PCDHA3: variants seen among roughly 807,000 people sequenced by gnomAD.
The protein encoded by PCDHA3 is protocadherin alpha 3, also known as protocadherin alpha-3.
PCDHA3 carries 41 observed loss-of-function variants against 62.2 expected under a neutral mutation model. The observed-to-expected ratio is 0.66, with a 90% confidence interval of 0.51 to 0.86. The LOEUF (loss-of-function observed/expected upper bound fraction) is 0.86. PCDHA3 is among the 40% of genes least tolerant of loss of function. PCDHA3 has a pLI of 0.00. For missense variants in PCDHA3, 1,304 were observed against 1,241.2 expected (o/e 1.05, Z -0.76); for synonymous variants, 640 against 555.4 (o/e 1.15, Z -2.14).
chr5:140,957,254 A>T (rs2095344725), intron 1 of PCDHA3, among the ~76,000 whole-genome samples: 1 of 152,192 alleles, frequency 6.6e-6, no homozygotes, highest in Non-Finnish European at 1.5e-5. Flanking sequence ...TAAAATTTAA[A>T]TATGTAAGCA....
chr5:140,967,009 T>G, intron 1 of PCDHA3: 1 of 1,606,176 alleles, frequency 6.2e-7, no homozygotes, highest in Non-Finnish European at 8.5e-7. Flanking sequence ...GCATCAACCA[T>G]CTGGGTGCGC....
chr5:140,902,996 A>G (rs2069931370), intron 1 of PCDHA3, among the ~76,000 whole-genome samples: 1 of 152,126 alleles, frequency 6.6e-6, no homozygotes, highest in Admixed American at 6.6e-5. Context: ...TATTTTTGCA[A>G]TTGTGAATTG....
intron 1 of PCDHA3, among the ~76,000 whole-genome samples, chr5:140,939,305 C>A (rs1251046319): frequency 6.6e-6 from 1 of 152,114 alleles, no homozygotes; most frequent in Non-Finnish European, 1.5e-5. Context: ...TCTACAAAAG[C>A]CCTACCTCCT....
chr5:140,878,927 A>G (rs1176306554), intron 1 of PCDHA3, among the ~76,000 whole-genome samples: 1 of 152,216 alleles, frequency 6.6e-6, no homozygotes, highest in African/African-American at 2.4e-5. Context: ...TCAATCAATA[A>G]TTTTAAATAA....
At chr5:140,992,533 C>T (rs1292844643) in intron 3 of PCDHA3, among the ~76,000 whole-genome samples, 1 of 152,188 alleles carries the variant, frequency 6.6e-6, no homozygotes, top group Non-Finnish European at 1.5e-5. Context: ...GGAAAAGTCA[C>T]TGTCACAAGT....
intron 1 of PCDHA3, chr5:140,856,542 C>T (rs1229307542): frequency 6.3e-7 from 1 of 1,598,136 alleles, no homozygotes; most frequent in Non-Finnish European, 8.6e-7. Flanking sequence ...GGAGAGAACG[C>T]ATTGCTTACT....
chr5:140,993,528 A>G (rs78672098), intron 3 of PCDHA3, among the ~76,000 whole-genome samples: 1 of 151,976 alleles, frequency 6.6e-6, no homozygotes, highest in Admixed American at 6.6e-5. Context: ...AGAGACAGAG[A>G]GAGAGAGAGA....
At position 140,911,726 on chromosome 5, in the gene PCDHA3, G is replaced by GTTCGTGCCAAGGAC. The variant is rs372287116; in HGVS notation, c.2395-67221_2395-67208dup. On this transcript the variant is annotated intron_variant, in intron 1 of 3. Transcript: ENST00000522353. ...TTTATTTTGTGTAACTCTGTAAACAGTTCGTGCCAAGGACTATCAGTGTTC... is the reference window on the plus strand; with the variant it reads ...TTTATTTTGTGTAACTCTGTAAACAGTTCGTGCCAAGGACTTCGTGCCAAGGACTATCAGTGTTC... Among the ~76,000 whole-genome samples, 876 of 152,272 alleles carry GTTCGTGCCAAGGAC rather than the reference G, an allele frequency of 5.8e-3. 6 individuals are homozygous for GTTCGTGCCAAGGAC. The highest frequency in any genetic ancestry group is 0.018 in the African/African-American group (761 of 41,552).
rs782163731 is a variant in PCDHA3, at chr5:140,869,573, C to A, written c.2394+65982C>A. 8 of 1,614,154 alleles carry A rather than the reference C, an allele frequency of 5.0e-6. No homozygotes were observed. In the East Asian group the frequency reaches 1.8e-4, roughly 36 times the overall value. ...GACTCGCGTTTTCCACTAGAGGGAG[C>A]TTCTGATGCTGACATTGAAGAGAAT... On this transcript the variant is annotated intron_variant, in intron 1 of 3. Coordinates refer to ENST00000522353, the MANE Select transcript of PCDHA3 (RefSeq NM_018906.3).
chr5:140,878,351 A>C (rs2057557275), intron 1 of PCDHA3, among the ~76,000 whole-genome samples: 1 of 152,248 alleles, frequency 6.6e-6, no homozygotes, highest in South Asian at 2.1e-4. Flanking sequence ...ACAATAATAT[A>C]AATGATATGT....
intron 1 of PCDHA3, chr5:140,882,355 C>T: frequency 6.2e-7 from 1 of 1,614,166 alleles, no homozygotes; most frequent in African/African-American, 1.3e-5. Context: ...CGGGTAGTGG[C>T]CAGCTCCACT....
chr5:140,999,812 G>A (rs1305602487), intron 3 of PCDHA3, among the ~76,000 whole-genome samples: 2 of 152,270 alleles, frequency 1.3e-5, no homozygotes, highest in East Asian at 3.9e-4. Flanking sequence ...CACAAAGCAA[G>A]AGCTGTGGCT....
chr5:140,997,133 C>G (rs1554255761), intron 3 of PCDHA3, among the ~76,000 whole-genome samples: 1 of 152,092 alleles, frequency 6.6e-6, no homozygotes, highest in Non-Finnish European at 1.5e-5. Flanking sequence ...ACAATGCCCC[C>G]ACACCCCCGC....
chr5:140,967,425 C>G, intron 1 of PCDHA3: 2 of 1,613,296 alleles, frequency 1.2e-6, no homozygotes, highest in Non-Finnish European at 1.7e-6. Context: ...CGGGAGCAGG[C>G]AGCCTTGCAC....
chr5:140,969,631 G>C (rs1554231956), intron 1 of PCDHA3: 1 of 227,796 alleles, frequency 4.4e-6, no homozygotes, highest in Non-Finnish European at 7.3e-6. Flanking sequence ...AAACAGGACA[G>C]GCCTTGGAAT....
chr5:140,968,127 C>T (rs1217974732), intron 1 of PCDHA3: 7 of 1,614,064 alleles, frequency 4.3e-6, no homozygotes, highest in Non-Finnish European at 5.9e-6. Context: ...TCCCTGCGTA[C>T]ACTGAAGGTT....
At chr5:140,822,263 C>G (rs1470346995) in intron 1 of PCDHA3, 3 of 1,614,110 alleles carry the variant, frequency 1.9e-6, no homozygotes, top group Non-Finnish European at 2.5e-6. Flanking sequence ...GATATTGGAG[C>G]AAATGCACAA....
Position 140,808,079 on chromosome 5 carries a change from A to G in PCDHA3, c.2394+4488A>G, listed in dbSNP as rs59233330. 4.8e-3 allele frequency: 7,775 copies of G among 1,614,028 alleles called. 313 individuals carry two copies. In the African/African-American group the frequency reaches 0.088, roughly 18 times the overall value. ...GAAATCCAAGTTTCACATAGATCCA[A>G]TTACTGGACAAATTATTGTAAAGGG... is the stretch of plus-strand genomic sequence containing the variant. On this transcript the variant is annotated intron_variant, in intron 1 of 3. Transcript: ENST00000522353.
chr5:140,918,660 A>G (rs1490487097), intron 1 of PCDHA3, among the ~76,000 whole-genome samples: 1 of 152,200 alleles, frequency 6.6e-6, no homozygotes, highest in Non-Finnish European at 1.5e-5. Context: ...TCTCATGTTG[A>G]TGGTATGAAG....
Sources: allele counts gnomAD v4.1 joint callset (sites outside exome capture counted in the v4.1 genomes callset), GRCh38; gene constraint gnomAD v4.1.1; transcripts MANE v1.5; gene names NCBI Gene and HGNC (gene_info 2026-07-23, HGNC 2026-07-21).